CDH11: variants seen among roughly 807,000 people sequenced by gnomAD.
CDH11 encodes cadherin-11.
In CDH11, 11 loss-of-function variants were observed where a neutral mutation model predicts 67.8. The ratio of observed to expected loss-of-function variants is 0.16; its 90% CI spans 0.10 to 0.27. The LOEUF is 0.27. Among genes scored for constraint, CDH11 ranks in the 10% least tolerant of loss-of-function variants. CDH11 has a pLI of 1.00. For synonymous variants in CDH11, 419 were observed against 400.0 expected (o/e 1.05, Z -0.57); for missense variants, 847 against 1,031.2 (o/e 0.82, Z 2.45).
intron 1 of CDH11, among the ~76,000 whole-genome samples, chr16:65,082,405 A>G (rs532243133): frequency 9.2e-4 from 140 of 152,344 alleles, no homozygotes; most frequent in African/African-American, 3.2e-3. Flanking sequence ...GTGTCTGAGC[A>G]TATGTGAGGC....
chr16:65,093,332 G>A (rs777072976), intron 1 of CDH11, among the ~76,000 whole-genome samples: 1 of 150,328 alleles, frequency 6.7e-6, no homozygotes, highest in Non-Finnish European at 1.5e-5. Context: ...CACAGTGACC[G>A]ACTCCTAGGC....
rs561498579 is a variant in CDH11 at position 64,946,192 on chromosome 16, A to G, written c.*1411T>C. The G allele has an allele frequency of 2.0e-4, 208 of 1,051,354 alleles. No individual in the cohort carries two copies. In the South Asian group the frequency reaches 4.5e-3, roughly 23 times the overall value. 65.1% of individuals were successfully genotyped at this position (1,051,354 alleles called of 1,614,324 possible). A position where few individuals can be genotyped will look rare whatever the true frequency, so the allele number is the denominator to read the frequency against. ...CATTCTCATTAAAACATAAAATGCC[A>G]CATCATTTTACAATTAGTTAAAATT... On this transcript the variant is annotated 3_prime_UTR_variant, in exon 13 of 13. Coordinates refer to ENST00000268603, the MANE Select transcript of CDH11 (RefSeq NM_001797.4).
chr16:64,946,049 G>A lies in CDH11; in HGVS notation c.*1554C>T. 9.4e-7 allele frequency: 1 copy of A among 1,058,504 alleles called. No homozygotes were observed. The highest frequency in any genetic ancestry group is 5.2e-5 in the East Asian group (1 of 19,198). The allele number at this position is 1,058,504 out of a possible 1,614,324, so 65.6% of individuals were successfully genotyped here. On this transcript the variant is annotated 3_prime_UTR_variant, in exon 13 of 13. Transcript: ENST00000268603. ...GAAACTAGCTGGAATGCAGGGGACTGTAGACACACTCCTGGACCAAATGGC... is the reference window on the plus strand; with the variant it reads ...GAAACTAGCTGGAATGCAGGGGACTATAGACACACTCCTGGACCAAATGGC...
intron 1 of CDH11, chr16:65,094,999 T>G (rs1028081257): frequency 2.6e-5 from 4 of 152,216 alleles, no homozygotes; most frequent in Admixed American, 6.5e-5. Flanking sequence ...TATACAGGTA[T>G]GTATCTATAT....
At position 65,076,335 on chromosome 16, in the gene CDH11, C is replaced by T. The variant is rs539066277; in HGVS notation, c.-297-22407G>A. Among the ~76,000 whole-genome samples, 4 of 151,960 alleles carry T rather than the reference C, an allele frequency of 2.6e-5. No individual in the cohort carries two copies. In the South Asian group the frequency reaches 6.2e-4, roughly 24 times the overall value. Reference sequence around the variant, plus strand: ...GTTCTTTTCTTTTACAGGGTGATGCCGACAAACCAAAAAAACAAAAACAAA... The same window carrying T: ...GTTCTTTTCTTTTACAGGGTGATGCTGACAAACCAAAAAAACAAAAACAAA... On this transcript the variant is annotated intron_variant, in intron 1 of 12. Coordinates refer to ENST00000268603, the MANE Select transcript of CDH11 (RefSeq NM_001797.4).
chr16:65,085,818 T>C (rs1288104038), intron 1 of CDH11, among the ~76,000 whole-genome samples: 1 of 152,246 alleles, frequency 6.6e-6, no homozygotes, highest in East Asian at 1.9e-4. Flanking sequence ...AGCACTTTCA[T>C]TCATTGCCTC....
At chr16:65,122,799 G>C (rs2075357015), upstream of CDH11, among the ~76,000 whole-genome samples, 1 of 152,162 alleles carries the variant, frequency 6.6e-6, no homozygotes, top group South Asian at 2.1e-4. Flanking sequence ...GCCTCGGAGA[G>C]GGGTGCGCGG....
chr16:65,120,162 G>A (rs1262658984), intron 1 of CDH11, among the ~76,000 whole-genome samples: 1 of 152,146 alleles, frequency 6.6e-6, no homozygotes, highest in Non-Finnish European at 1.5e-5. Flanking sequence ...CTACGTATTT[G>A]TAGGAAAAAC....
At chr16:65,070,498 C>T (rs1007844437) in intron 1 of CDH11, among the ~76,000 whole-genome samples, 2 of 152,180 alleles carry the variant, frequency 1.3e-5, no homozygotes, top group Non-Finnish European at 2.9e-5. Flanking sequence ...AAAGTGGTAT[C>T]TCTAATGACA....
At chr16:65,034,031 C>A (rs1186832018) in intron 2 of CDH11, among the ~76,000 whole-genome samples, 1 of 152,124 alleles carries the variant, frequency 6.6e-6, no homozygotes, top group Non-Finnish European at 1.5e-5. Context: ...AATTGTGTCT[C>A]CCAAAAAGAT....
Position 64,950,927 on chromosome 16 carries a change from G to A in CDH11, c.1734C>T (p.Gly578=), listed in dbSNP as rs761749550. Residue 578 remains glycine (G), a synonymous_variant, in exon 12 of 13, where the codon GGC becomes GGT. Coordinates refer to ENST00000268603, the MANE Select transcript of CDH11 (RefSeq NM_001797.4). The stretch of plus-strand genomic sequence containing the variant: ...TGTTGGTGCTACTCATGGGCGGGAT[G>A]CCGCCATCGCTGATCACTATGGGCA... The part of the protein sequence containing the change: ...YLLPIVISDG[G]IPPMSSTNTL... 5.6e-6 allele frequency: 9 copies of A among 1,614,082 alleles called. No homozygotes were observed. In the Admixed American group the frequency reaches 1.2e-4, roughly 21 times the overall value.
intron 1 of CDH11, among the ~76,000 whole-genome samples, chr16:65,111,674 AACACACAC>A (rs71143552): frequency 1.1e-4 from 16 of 140,726 alleles, no homozygotes; most frequent in South Asian, 7.1e-4. Flanking sequence ...GAAAGCTAGA[AACACACAC>A]ACACACACAC....
rs993676307 is a variant in CDH11, at chr16:64,944,996, T to C, written c.*2607A>G. On this transcript the variant is annotated 3_prime_UTR_variant, in exon 13 of 13. Transcript: ENST00000268603. ...GTAAGATTCATTCTGAATCCTCCAG[T>C]AAGTGGAACAGGGTTTATAAAATAA... 9 of 210,764 alleles carry C rather than the reference T, an allele frequency of 4.3e-5. No individual in the cohort carries two copies. The highest frequency in any genetic ancestry group is 7.7e-5 in the Non-Finnish European group (8 of 103,938). The allele number at this position is 210,764 out of a possible 1,614,324, so 13.1% of individuals were successfully genotyped here.
At chr16:65,061,548 C>T (rs999340437) in intron 1 of CDH11, among the ~76,000 whole-genome samples, 24 of 152,054 alleles carry the variant, frequency 1.6e-4, no homozygotes, top group African/African-American at 4.8e-4. Flanking sequence ...TGCAAATAAT[C>T]GGCTATTAAC....
At chr16:65,045,382 C>G in intron 2 of CDH11, among the ~76,000 whole-genome samples, 1 of 95,732 alleles carries the variant, frequency 1.0e-5, no homozygotes, top group African/African-American at 4.1e-5. Flanking sequence ...TGAACTGTTG[C>G]TATGGCAGCC....
chr16:64,946,447 G>A lies in CDH11; in HGVS notation c.*1156C>T, dbSNP rs1328892476. ...CATCTCTCATAACCATCAAATTACT[G>A]ATATACAAGATAAATGCATACTATA... On this transcript the variant is annotated 3_prime_UTR_variant, in exon 13 of 13. Coordinates refer to ENST00000268603, the MANE Select transcript of CDH11 (RefSeq NM_001797.4). The A allele has an allele frequency of 2.9e-6, 3 of 1,032,004 alleles. No homozygotes were observed. Among genetic ancestry groups the A allele is most frequent in the Non-Finnish European group, 3.5e-6 (3 of 858,072 alleles). 63.9% of individuals were successfully genotyped at this position (1,032,004 alleles called of 1,614,324 possible).
At chr16:65,081,849 A>T (rs1307294335) in intron 1 of CDH11, among the ~76,000 whole-genome samples, 1 of 152,220 alleles carries the variant, frequency 6.6e-6, no homozygotes, top group Non-Finnish European at 1.5e-5. Context: ...TGTTGGAAAC[A>T]TAGATGTGAT....
intron 4 of CDH11, among the ~76,000 whole-genome samples, chr16:64,996,673 A>T (rs1407358776): frequency 6.6e-6 from 1 of 152,174 alleles, no homozygotes; most frequent in Non-Finnish European, 1.5e-5. Context: ...TTGGATAAAG[A>T]ATATGTGGTG....
chr16:65,030,502 G>A (rs1297343494), intron 2 of CDH11, among the ~76,000 whole-genome samples: 1 of 152,138 alleles, frequency 6.6e-6, no homozygotes, highest in Non-Finnish European at 1.5e-5. Context: ...GAGTGCCCAT[G>A]CGTAGTCCTC....
Sources: allele counts gnomAD v4.1 joint callset (sites outside exome capture counted in the v4.1 genomes callset), GRCh38; gene constraint gnomAD v4.1.1; transcripts MANE v1.5; gene names NCBI Gene and HGNC (gene_info 2026-07-23, HGNC 2026-07-21).